Variants in GSDME observed in about 807,000 individuals in gnomAD.
The protein encoded by GSDME is gasdermin E, also known as gasdermin-E.
In GSDME, 44 loss-of-function variants were observed where a neutral mutation model predicts 47.5. That is an observed-to-expected ratio of 0.93 (90% CI 0.73 to 1.19). GSDME has a LOEUF of 1.19. Among genes scored for constraint, GSDME ranks in the 50% most tolerant of loss-of-function variants. The probability of loss-of-function intolerance (pLI) is 0.00; values close to 1 mark genes in which losing one functional copy is unlikely to be tolerated. For missense variants in GSDME, 663 were observed against 604.2 expected (o/e 1.10, Z -1.02); for synonymous variants, 258 against 252.8 (o/e 1.02, Z -0.20).
intron 1 of GSDME, among the ~76,000 whole-genome samples, chr7:24,750,341 G>T (rs1790814813): frequency 1.3e-5 from 2 of 152,228 alleles, no homozygotes; most frequent in Non-Finnish European, 2.9e-5. Context: ...GGCAGACTGG[G>T]CATGGTGGGT....
chr7:24,729,880 A>C (rs913200971), intron 3 of GSDME, among the ~76,000 whole-genome samples: 2 of 152,166 alleles, frequency 1.3e-5, no homozygotes, highest in Admixed American at 6.5e-5. Flanking sequence ...TGGAGAATCA[A>C]CTGGAAGGGG....
At chr7:24,776,180 C>CAAAAAA in the GSDME span, among the ~76,000 whole-genome samples, 22 of 70,634 alleles carry the variant, frequency 3.1e-4, no homozygotes, top group Middle Eastern at 9.3e-3. Context: ...AACTCCATCT[C>CAAAAAA]AAAAAAAAAA....
the GSDME span, among the ~76,000 whole-genome samples, chr7:24,763,175 T>C: frequency 6.6e-6 from 1 of 152,190 alleles, no homozygotes; most frequent in African/African-American, 2.4e-5. The surrounding 1 kb of genome is among the most constrained non-coding windows in gnomAD (Gnocchi z 4.3). Context: ...ATAGCGGCCA[T>C]AACATTTGCA....
intron 4 of GSDME, among the ~76,000 whole-genome samples, chr7:24,718,195 A>G (rs1172102967): frequency 6.6e-6 from 1 of 152,224 alleles, no homozygotes; most frequent in Non-Finnish European, 1.5e-5. Flanking sequence ...CCAACCCAGT[A>G]AGAGTGCTGG....
At chr7:24,706,137 A>ATT (rs1288019385) in intron 8 of GSDME, 47 bp downstream of exon 8, 1 of 1,608,196 alleles carries the variant, frequency 6.2e-7, no homozygotes, top group African/African-American at 1.3e-5. Flanking sequence ...TAGGCAAAGC[A>ATT]TTTTAAAGCA....
intron 5 of GSDME, among the ~76,000 whole-genome samples, chr7:24,713,252 GAGAC>G (rs1789425672): frequency 6.6e-6 from 1 of 152,156 alleles, no homozygotes; most frequent in African/African-American, 2.4e-5. Context: ...CCTGTGTCGG[GAGAC>G]ACGGCTGCTC....
chr7:24,710,182 T>C (rs1789289888), intron 6 of GSDME, 42 bp downstream of exon 6: 2 of 1,606,086 alleles, frequency 1.2e-6, no homozygotes, highest in African/African-American at 1.3e-5. Context: ...CAGGGCTCAG[T>C]TGGCCCTCAA....
intron 9 of GSDME, among the ~76,000 whole-genome samples, chr7:24,701,351 G>T (rs528533326): frequency 2.0e-5 from 3 of 152,322 alleles, no homozygotes; most frequent in African/African-American, 7.2e-5. Context: ...TCTGAACTCC[G>T]AATGTGTTCT....
Position 24,708,254 on chromosome 7 carries a change from G to A in GSDME, c.863C>T (p.Ala288Val), listed in dbSNP as rs150896230. The A allele has an allele frequency of 9.9e-6, 16 of 1,613,942 alleles. No individual in the cohort carries two copies. The highest frequency in any genetic ancestry group is 8.0e-5 in the African/African-American group (6 of 75,042). ...GAAATTCCTCTCCAGGAGCAGGGTC[G>A]CTGTGAAAACAAAGCACACCCAAGT... is the stretch of plus-strand genomic sequence containing the variant. ...QDGPLSVLKQATLLLERNFHP... is the reference protein window; with the variant it reads ...QDGPLSVLKQVTLLLERNFHP... Residue 288 changes from alanine (A) to valine (V), a missense_variant and splice_region_variant, in exon 7 of 10, where the codon GCG becomes GTG. By Grantham distance (64) the Ala-to-Val change is moderately conservative. Coordinates refer to ENST00000645220, the MANE Select transcript of GSDME (RefSeq NM_001127453.2).
In GSDME at chr7:24,744,509, A is replaced by T; in HGVS notation, c.404+53T>A. Reference sequence around the variant, plus strand: ...CTTTTAACAAAGGTCCAACTGAATGACCTTTAAATGTGAGATGTGTCAAAA... The same window carrying T: ...CTTTTAACAAAGGTCCAACTGAATGTCCTTTAAATGTGAGATGTGTCAAAA... On this transcript the variant is annotated intron_variant, in intron 3 of 9. Transcript: ENST00000645220. This position sits in a 1 kb window ranked among gnomAD's most constrained non-coding sequence, Gnocchi z 4.5. 6.3e-7 allele frequency: 1 copy of T among 1,586,312 alleles called. No individual in the cohort carries two copies. The highest frequency in any genetic ancestry group is 1.1e-5 in the South Asian group (1 of 90,458).
chr7:24,730,675 C>T (rs574558082), intron 3 of GSDME, among the ~76,000 whole-genome samples: 96 of 152,120 alleles, frequency 6.3e-4, no homozygotes, highest in Non-Finnish European at 1.1e-3. Flanking sequence ...ATTAGCTGGG[C>T]GTGGTGGCAC....
At chr7:24,767,876 A>G in the GSDME span, among the ~76,000 whole-genome samples, 2 of 152,216 alleles carry the variant, frequency 1.3e-5, no homozygotes, top group Non-Finnish European at 1.5e-5. The surrounding 1 kb of genome is among the most constrained non-coding windows in gnomAD (Gnocchi z 5.3). Context: ...ATGTTTGTGT[A>G]ATACTTTATT....
At chr7:24,774,076 G>A in the GSDME span, among the ~76,000 whole-genome samples, 3 of 152,118 alleles carry the variant, frequency 2.0e-5, no homozygotes, top group Admixed American at 6.5e-5. Flanking sequence ...TATCAGTACA[G>A]TCTGAGCGAT....
At chr7:24,741,339 C>T (rs564959411) in intron 3 of GSDME, among the ~76,000 whole-genome samples, 1 of 151,670 alleles carries the variant, frequency 6.6e-6, no homozygotes. Flanking sequence ...AGAGCTTATC[C>T]GAGTCACTAT....
At position 24,714,901 on chromosome 7, in the gene GSDME, T is replaced by A. The variant is rs1391960815; in HGVS notation, c.697+2353A>T. ...GCATCCTCAGGTGCATGCCAAGATT[T>A]CAGAAAGCGTTACAGAAGTGACGCA... On this transcript the variant is annotated intron_variant, in intron 5 of 9. Coordinates refer to ENST00000645220, the MANE Select transcript of GSDME (RefSeq NM_001127453.2). This position sits in a 1 kb window ranked among gnomAD's most constrained non-coding sequence, Gnocchi z 5.0. 6.6e-6 allele frequency among the ~76,000 whole-genome samples: 1 copy of A among 152,168 alleles called. No individual in the cohort carries two copies. Among genetic ancestry groups the A allele is most frequent in the Non-Finnish European group, 1.5e-5 (1 of 68,036 alleles).
At chr7:24,699,285 C>G (rs766916527) in intron 9 of GSDME, 26 bp from the exon 10 acceptor site, 3 of 1,538,814 alleles carry the variant, frequency 1.9e-6, no homozygotes, top group Admixed American at 1.7e-5. Context: ...TAAACAAATT[C>G]ACTTTTAAAA....
the GSDME span, among the ~76,000 whole-genome samples, chr7:24,772,596 G>A: frequency 1.3e-5 from 2 of 152,154 alleles, no homozygotes; most frequent in Non-Finnish European, 2.9e-5. This position sits in a 1 kb window ranked among gnomAD's most constrained non-coding sequence, Gnocchi z 4.5. Context: ...GTTAACTTTC[G>A]GTTCAGTCAT....
Position 24,744,659 on chromosome 7 carries a change from G to A in GSDME, c.307C>T (p.Leu103=). Residue 103 remains leucine (L), a synonymous_variant, in exon 3 of 10, where the codon CTG becomes TTG. Coordinates refer to ENST00000645220, the MANE Select transcript of GSDME (RefSeq NM_001127453.2). This position sits in a 1 kb window ranked among gnomAD's most constrained non-coding sequence, Gnocchi z 4.5. ...ETALGKVKLN[L]GGSSRVESQS... Reference sequence around the variant, plus strand: ...CTCTCTACGCGGCTGCTGCCCCCCAGGTTCAGCTTGACCTTCCCCAGTGCA... The same window carrying A: ...CTCTCTACGCGGCTGCTGCCCCCCAAGTTCAGCTTGACCTTCCCCAGTGCA... 6.2e-7 allele frequency: 1 copy of A among 1,614,134 alleles called. No homozygotes were observed. Among genetic ancestry groups the A allele is most frequent in the Non-Finnish European group, 8.5e-7 (1 of 1,180,022 alleles).
At chr7:24,709,509 A>G (rs1789260040) in intron 6 of GSDME, among the ~76,000 whole-genome samples, 1 of 152,194 alleles carries the variant, frequency 6.6e-6, no homozygotes, top group African/African-American at 2.4e-5. Flanking sequence ...AGCTCCACAG[A>G]TGTAGTCACC....
Sources: allele counts gnomAD v4.1 joint callset (sites outside exome capture counted in the v4.1 genomes callset), GRCh38; gene constraint gnomAD v4.1.1; non-coding constraint Gnocchi (gnomAD v3.1); transcripts MANE v1.5; gene names NCBI Gene and HGNC (gene_info 2026-07-23, HGNC 2026-07-21).